BCL2L13: variants seen among roughly 807,000 people sequenced by gnomAD.
BCL2L13 encodes the protein bcl-2-like protein 13.
In BCL2L13, 13 loss-of-function variants were observed where a neutral mutation model predicts 25.8. The ratio of observed to expected loss-of-function variants is 0.50; its 90% CI spans 0.33 to 0.80. The LOEUF is 0.80. Ranked by LOEUF, BCL2L13 falls within the 30% of genes least tolerant of loss-of-function variation. BCL2L13 has a pLI of 0.02. For missense variants in BCL2L13, 504 were observed against 574.9 expected, an observed-to-expected ratio of 0.88 and a Z score of 1.26; for synonymous variants, 244 against 230.3, an observed-to-expected ratio of 1.06 and a Z score of -0.54.
chr22:17,640,308 A>G (rs1474574680), intron 1 of BCL2L13, among the ~76,000 whole-genome samples: 1 of 151,820 alleles, frequency 6.6e-6, no homozygotes, highest in Non-Finnish European at 1.5e-5. Flanking sequence ...ACTGTTCTGT[A>G]TTTTTTTTCC....
At chr22:17,704,431 A>G (rs558603636) in intron 6 of BCL2L13, among the ~76,000 whole-genome samples, 3 of 152,058 alleles carry the variant, frequency 2.0e-5, no homozygotes, top group East Asian at 1.9e-4. Context: ...TGAATGTCCA[A>G]TCTGTATTTC....
chr22:17,657,047 G>C (rs1309698685), intron 2 of BCL2L13, among the ~76,000 whole-genome samples: 1 of 152,126 alleles, frequency 6.6e-6, no homozygotes, highest in Non-Finnish European at 1.5e-5. Flanking sequence ...TCAAACTCCT[G>C]AGCTCAGGCA....
chr22:17,677,988 G>T (rs1000662949), intron 2 of BCL2L13, among the ~76,000 whole-genome samples: 2 of 152,108 alleles, frequency 1.3e-5, no homozygotes, highest in African/African-American at 4.8e-5. Context: ...TGAGGCTCTT[G>T]TGAGCCATGA....
intron 6 of BCL2L13, among the ~76,000 whole-genome samples, chr22:17,721,333 C>A (rs1326907966): frequency 6.6e-6 from 1 of 151,914 alleles, no homozygotes; most frequent in African/African-American, 2.4e-5. Context: ...GTAGCAGAGC[C>A]CTGTTCATAT....
At chr22:17,718,068 CAG>C (rs991100354) in intron 6 of BCL2L13, among the ~76,000 whole-genome samples, 6 of 148,816 alleles carry the variant, frequency 4.0e-5, no homozygotes, top group African/African-American at 1.5e-4. Context: ...GCCTGGGCAA[CAG>C]AGAGAGACCC....
At chr22:17,635,773 G>A (rs1279111224), upstream of BCL2L13, among the ~76,000 whole-genome samples, 8 of 151,534 alleles carry the variant, frequency 5.3e-5, no homozygotes, top group Non-Finnish European at 1.2e-4. Context: ...GCAGTGGTGC[G>A]ATCTCGGCTC....
intron 2 of BCL2L13, among the ~76,000 whole-genome samples, chr22:17,660,305 A>G (rs2059023668): frequency 6.8e-6 from 1 of 146,782 alleles, no homozygotes; most frequent in African/African-American, 2.4e-5. Context: ...CGAAGAAACA[A>G]GAATTGATTT....
At chr22:17,642,524 C>G (rs1192379630) in intron 1 of BCL2L13, among the ~76,000 whole-genome samples, 1 of 152,010 alleles carries the variant, frequency 6.6e-6, no homozygotes, top group Non-Finnish European at 1.5e-5. Context: ...TGTATCAGTA[C>G]TTTATTCCTT....
At chr22:17,677,022 T>G (rs1391330297) in intron 2 of BCL2L13, among the ~76,000 whole-genome samples, 1 of 152,222 alleles carries the variant, frequency 6.6e-6, no homozygotes, top group Non-Finnish European at 1.5e-5. Flanking sequence ...ATGCTATTGG[T>G]GACATTGAGG....
chr22:17,664,935 G>GGGA (rs2059191100), intron 2 of BCL2L13, among the ~76,000 whole-genome samples: 1 of 152,220 alleles, frequency 6.6e-6, no homozygotes, highest in Admixed American at 6.5e-5. Context: ...GGACTGTGAT[G>GGGA]GGAGGAGCTG....
At chr22:17,639,129 G>A (rs2058174613) in intron 1 of BCL2L13, among the ~76,000 whole-genome samples, 1 of 152,210 alleles carries the variant, frequency 6.6e-6, no homozygotes, top group African/African-American at 2.4e-5. Flanking sequence ...TTCTTCCGGC[G>A]TGGGGTGCCG....
At position 17,696,599 on chromosome 22, in the gene BCL2L13, G is replaced by A. The variant is rs575205424; in HGVS notation, c.456+389G>A. Among the ~76,000 whole-genome samples, 82 of 152,170 alleles carry A rather than the reference G, an allele frequency of 5.4e-4. 2 individuals are homozygous for A. The highest frequency in any genetic ancestry group is 1.0e-3 in the Non-Finnish European group (70 of 68,016). On this transcript the variant is annotated intron_variant, in intron 5 of 6. Transcript: ENST00000317582. ...CTCTTAGATGAATAATACCATTTAT[G>A]TTTTATAACTTACACAGTGTCTCGT...
chr22:17,661,483 T>C (rs2059064352), intron 2 of BCL2L13, among the ~76,000 whole-genome samples: 1 of 146,068 alleles, frequency 6.8e-6, no homozygotes, highest in African/African-American at 2.4e-5. Flanking sequence ...AGGTGAAGGA[T>C]AAAGGTTGAA....
chr22:17,689,068 G>A lies in BCL2L13; in HGVS notation c.312G>A (p.Leu104=). Residue 104 remains leucine, a synonymous_variant, in exon 4 of 7, where the codon TTG becomes TTA. Coordinates refer to ENST00000317582, the MANE Select transcript of BCL2L13 (RefSeq NM_015367.4). ...ANPESSMEDC[L]AHLGEKVSQE... ...CAGAAAGCTCAATGGAAGACTGCTT[G>A]GCCCATCTTGGAGAAAAAGTGTCCC... The A allele has an allele frequency of 6.2e-7, 1 of 1,614,116 alleles. No homozygotes were observed. Among genetic ancestry groups the A allele is most frequent in the Non-Finnish European group, 8.5e-7 (1 of 1,180,016 alleles).
intron 1 of BCL2L13, among the ~76,000 whole-genome samples, chr22:17,643,351 G>T (rs79995958): frequency 1.3e-5 from 2 of 151,814 alleles, no homozygotes; most frequent in East Asian, 1.9e-4. Flanking sequence ...TGATCCGCCC[G>T]CCTTAGCCTC....
intron 3 of BCL2L13, among the ~76,000 whole-genome samples, chr22:17,683,843 CCATTAT>C (rs1568969135): frequency 9.5e-6 from 1 of 105,562 alleles, no homozygotes; most frequent in Admixed American, 1.1e-4. Context: ...CTCAGTCATT[CCATTAT>C]TATTATTATT....
rs2061354478 is a variant in BCL2L13, at chr22:17,728,654, T to G, written c.*1120T>G. 1.3e-5 allele frequency: 2 copies of G among 152,204 alleles called. No homozygotes were observed. The highest frequency in any genetic ancestry group is 4.8e-5 in the African/African-American group (2 of 41,440). 9.4% of individuals were successfully genotyped at this position (152,204 alleles called of 1,614,324 possible). On this transcript the variant is annotated 3_prime_UTR_variant, in exon 7 of 7. Transcript: ENST00000317582. ...TTTATTCTTGGGCTTATAGAGCCAG[T>G]TAGATCATAATTCTTATGAAATAGA...
intron 2 of BCL2L13, among the ~76,000 whole-genome samples, chr22:17,656,941 C>T (rs2058891323): frequency 6.6e-6 from 1 of 152,152 alleles, no homozygotes. Context: ...GCCTCAGCCT[C>T]TCAAGGAGCT....
At chr22:17,635,795 C>T (rs1285486139), upstream of BCL2L13, among the ~76,000 whole-genome samples, 4 of 151,876 alleles carry the variant, frequency 2.6e-5, no homozygotes, top group Admixed American at 6.6e-5. Context: ...CTGCAACCTC[C>T]GCCTCCCGGG....
Sources: allele counts gnomAD v4.1 joint callset (sites outside exome capture counted in the v4.1 genomes callset), GRCh38; gene constraint gnomAD v4.1.1; transcripts MANE v1.5; gene names NCBI Gene and HGNC (gene_info 2026-07-23, HGNC 2026-07-21).